SP140: variants seen among roughly 807,000 people sequenced by gnomAD.
SP140 encodes the protein nuclear body protein SP140.
Under a neutral mutation model 125.0 loss-of-function variants are expected in SP140, and 81 were observed. The observed-to-expected ratio is 0.65, with a 90% confidence interval of 0.54 to 0.78. SP140 has a LOEUF of 0.78. Among genes scored for constraint, SP140 ranks in the 30% least tolerant of loss-of-function variants. The pLI is 0.00. For missense variants in SP140, 858 were observed against 1,037.0 expected (o/e 0.83, Z 2.37); for synonymous variants, 312 against 354.0 (o/e 0.88, Z 1.33).
chr2:230,222,157 G>T (rs2045877285), upstream of SP140, among the ~76,000 whole-genome samples: 2 of 151,788 alleles, frequency 1.3e-5, no homozygotes, highest in African/African-American at 4.8e-5. Context: ...TTGAACTCAG[G>T]AGCTGGAGGT....
chr2:230,249,752 G>C (rs1408017253), intron 9 of SP140, among the ~76,000 whole-genome samples: 1 of 152,186 alleles, frequency 6.6e-6, no homozygotes, highest in African/African-American at 2.4e-5. Context: ...AGTGAAAACT[G>C]TTGTCCAAGG....
the SP140 span, among the ~76,000 whole-genome samples, chr2:230,187,324 T>C: frequency 2.0e-5 from 3 of 152,180 alleles, no homozygotes; most frequent in African/African-American, 7.2e-5. Flanking sequence ...TCTATTAATG[T>C]CATTTGCCCA....
Position 230,309,993 on chromosome 2 carries a change from A to C in SP140, c.2128A>C (p.Arg710=), listed in dbSNP as rs2059181433. 3 of 1,614,222 alleles carry C rather than the reference A, an allele frequency of 1.9e-6. No individual in the cohort carries two copies. The East Asian group carries it at 6.7e-5, about 36-fold the overall frequency. Residue 710 remains arginine, a synonymous_variant, in exon 23 of 27, where the codon AGA becomes CGA. Coordinates refer to ENST00000392045, the MANE Select transcript of SP140 (RefSeq NM_007237.5). ...GCTGTTCTGTTGCGACACTTGTTCA[A>C]GAGTCTTCCATGAGGACTGTCACAT... ...GELFCCDTCS[R]VFHEDCHIPP...
chr2:230,239,866 G>A (rs1345295306), intron 3 of SP140, among the ~76,000 whole-genome samples: 1 of 152,200 alleles, frequency 6.6e-6, no homozygotes, highest in Non-Finnish European at 1.5e-5. Context: ...TTTAACCAGG[G>A]TGTTCCAGGC....
At chr2:230,217,182 G>T (rs1266743358) in intron 3 of SP140, among the ~76,000 whole-genome samples, 3 of 144,646 alleles carry the variant, frequency 2.1e-5, no homozygotes, top group East Asian at 4.1e-4. Flanking sequence ...GGAGGTGGAG[G>T]TTGCAGTAAG....
At chr2:230,281,643 A>G (rs973388995) in intron 15 of SP140, among the ~76,000 whole-genome samples, 3 of 152,204 alleles carry the variant, frequency 2.0e-5, no homozygotes, top group African/African-American at 7.2e-5. Flanking sequence ...AAAACTTTAT[A>G]TAAATAAGGT....
chr2:230,225,914 G>A lies in SP140; in HGVS notation c.59+11G>A, dbSNP rs769839651. On this transcript the variant is annotated intron_variant, in intron 1 of 26. Transcript: ENST00000392045. ...CAATCTCAACTTCAGGTGGGTCATC[G>A]TCTCCTTTCCCGTCTGTCCTTCATC... is the stretch of plus-strand genomic sequence containing the variant. 22 of 1,611,574 alleles carry A rather than the reference G, an allele frequency of 1.4e-5. No individual in the cohort carries two copies. The highest frequency in any genetic ancestry group is 7.7e-5 in the South Asian group (7 of 90,988).
At chr2:230,200,553 A>T, upstream of SP140, 1 of 292,142 alleles carries the variant, frequency 3.4e-6, no homozygotes, top group South Asian at 4.1e-5. Context: ...CTGTACTTTC[A>T]GTATAGTACC....
At position 230,284,382 on chromosome 2, in the gene SP140, T is replaced by C. The variant is rs4972945; in HGVS notation, c.1535T>C (p.Met512Thr). 169,180 of 1,606,948 alleles carry C rather than the reference T, an allele frequency of 0.11. 9,659 individuals carry two copies. The highest frequency in any genetic ancestry group is 0.13 in the Middle Eastern group (807 of 6,028). The change falls in exon 16 of 27, where the codon ATG becomes ACG. Residue 512 changes from methionine (M) to threonine (T), a missense_variant. Physicochemically the swap from Met to Thr is moderately conservative, Grantham distance 81. This residue lies in a region of SP140 where 791 missense variants were observed against 869.5 expected (regional missense o/e 0.91). Coordinates refer to ENST00000392045, the MANE Select transcript of SP140 (RefSeq NM_007237.5). ...GGGCATGGCTGGAGCAGAATGAGAA[T>C]GAGAAGGCAGGAAAACAGCCAACAA... ...KRGHGWSRMR[M>T]RRQENSQQND... is the part of the protein sequence containing the mutation.
chr2:230,225,909 T>G lies in SP140; in HGVS notation c.59+6T>G. The G allele has an allele frequency of 6.2e-7, 1 of 1,612,664 alleles. No individual in the cohort carries two copies. ...GACAGCAATCTCAACTTCAGGTGGG[T>G]CATCGTCTCCTTTCCCGTCTGTCCT... On this transcript the variant is annotated splice_donor_region_variant and intron_variant, in intron 1 of 26. Coordinates refer to ENST00000392045, the MANE Select transcript of SP140 (RefSeq NM_007237.5).
chr2:230,212,228 C>T, intron 1 of SP140: 1 of 767,182 alleles, frequency 1.3e-6, no homozygotes, highest in Non-Finnish European at 2.3e-6. Flanking sequence ...TGTTTCTTTT[C>T]CTTTGTATTG....
At chr2:230,282,528 G>A (rs77396744) in intron 15 of SP140, among the ~76,000 whole-genome samples, 13,608 of 152,068 alleles carry the variant, frequency 0.089, 816 homozygotes, top group East Asian at 0.12. Flanking sequence ...CCAGTGCAGC[G>A]GCTCACTCAT....
chr2:230,225,581 C>T (rs1281769905), upstream of SP140: 5 of 545,730 alleles, frequency 9.2e-6, no homozygotes, highest in Non-Finnish European at 1.3e-5. Flanking sequence ...TTTCCACCCT[C>T]TTTCCTTGGC....
intron 4 of SP140, 34 bp downstream of exon 4, chr2:230,241,521 A>G (rs1321372101): frequency 3.8e-6 from 5 of 1,315,390 alleles, no homozygotes; most frequent in Non-Finnish European, 5.5e-6. Flanking sequence ...TGCCCTTATT[A>G]AAGTTTTGCT....
In SP140 at chr2:230,241,419, C is replaced by T. The variant is rs2149136892; in HGVS notation, c.422C>T (p.Ser141Leu). Reference sequence around the variant, plus strand: ...TTTTCCTCAGTATGCTATGAACACTCACCTCTCCAAATGAATAATGTAAAC... The same window carrying T: ...TTTTCCTCAGTATGCTATGAACACTTACCTCTCCAAATGAATAATGTAAAC... ...RSFQNVCYEHSPLQMNNVNDL... is the reference protein window; with the variant it reads ...RSFQNVCYEHLPLQMNNVNDL... Residue 141 changes from serine to leucine, a missense_variant, in exon 4 of 27, where the codon TCA (serine) becomes TTA (leucine). Physicochemically the swap from Ser to Leu is moderately radical, Grantham distance 145. Coordinates refer to ENST00000392045, the MANE Select transcript of SP140 (RefSeq NM_007237.5). The T allele has an allele frequency of 6.3e-7, 1 of 1,594,954 alleles. No individual in the cohort carries two copies. Among genetic ancestry groups the T allele is most frequent in the East Asian group, 2.2e-5 (1 of 44,784 alleles).
At chr2:230,285,691 C>A in intron 16 of SP140, 61 bp from the exon 17 acceptor site, 1 of 1,388,248 alleles carries the variant, frequency 7.2e-7, no homozygotes, top group Non-Finnish European at 1.0e-6. Flanking sequence ...GCGTTTGTTC[C>A]TGCCTGACAG....
At position 230,287,892 on chromosome 2, in the gene SP140, G is replaced by C. The variant is rs375030367; in HGVS notation, c.1646G>C (p.Gly549Ala). The stretch of plus-strand genomic sequence containing the variant: ...TGATTATATTATTCTACTTTCTCAG[G>C]GAGAAAGAGAGGCAAACCTGGAACC... ...VNLKDLSKIR[G>A]RKRGKPGTRF... Residue 549 changes from glycine to alanine, a missense_variant and splice_region_variant, in exon 18 of 27, where the codon GGG (glycine) becomes GCG (alanine). By Grantham distance (60) the Gly-to-Ala change is moderately conservative. Around this residue, in one of 4 missense-constraint regions of SP140, gnomAD observed 791 missense variants for 869.5 expected, o/e 0.91. Coordinates refer to ENST00000392045, the MANE Select transcript of SP140 (RefSeq NM_007237.5). 3 of 1,609,172 alleles carry C rather than the reference G, an allele frequency of 1.9e-6. No individual in the cohort carries two copies. The highest frequency in any genetic ancestry group is 2.5e-6 in the Non-Finnish European group (3 of 1,177,700).
intron 17 of SP140, 96 bp downstream of exon 17, chr2:230,285,928 C>A: frequency 1.1e-6 from 1 of 925,200 alleles, no homozygotes; most frequent in South Asian, 1.4e-5. Flanking sequence ...ATTGTTTACT[C>A]ATCAAGCTTA....
At chr2:230,276,100 C>G (rs986912809) in intron 15 of SP140, among the ~76,000 whole-genome samples, 1 of 152,088 alleles carries the variant, frequency 6.6e-6, no homozygotes, top group Non-Finnish European at 1.5e-5. Context: ...AGAAGGTTGT[C>G]CAGAAGATCT....
Sources: gnomAD v4.1 joint callset for allele counts (sites outside exome capture counted in the v4.1 genomes callset) on GRCh38, gnomAD v4.1.1 for gene constraint, gnomAD v4.1.1 regional missense constraint, MANE v1.5 for transcripts, NCBI Gene and HGNC (gene_info 2026-07-23, HGNC 2026-07-21) for gene names.